Variants in ADCK1 observed in about 807,000 individuals in gnomAD.
The protein encoded by ADCK1 is aarF domain-containing protein kinase 1.
In ADCK1, 41 loss-of-function variants were observed where a neutral mutation model predicts 52.3. The ratio of observed to expected loss-of-function variants is 0.78; its 90% CI spans 0.61 to 1.02. The LOEUF is 1.02. ADCK1 is among the 50% of genes least tolerant of loss of function. The probability of loss-of-function intolerance (pLI) is 0.00; values close to 1 mark genes in which losing one functional copy is unlikely to be tolerated. For missense variants in ADCK1, 658 were observed against 679.5 expected (o/e 0.97, Z 0.35); for synonymous variants, 250 against 274.6 (o/e 0.91, Z 0.89).
intron 5 of ADCK1, among the ~76,000 whole-genome samples, chr14:77,893,168 AT>A (rs1424226320): frequency 2.6e-5 from 4 of 152,186 alleles, no homozygotes; most frequent in Non-Finnish European, 5.9e-5. Context: ...AGTGACTCTT[AT>A]TGATTTGAAT....
At chr14:77,859,779 C>T (rs766410114) in intron 4 of ADCK1, among the ~76,000 whole-genome samples, 49 of 152,266 alleles carry the variant, frequency 3.2e-4, no homozygotes, top group African/African-American at 1.1e-3. Context: ...GCAGATTACA[C>T]GGGATAATGA....
chr14:77,822,601 C>T (rs190623937), intron 3 of ADCK1, 83 bp downstream of exon 3: 215 of 1,202,014 alleles, frequency 1.8e-4, no homozygotes, highest in Non-Finnish European at 2.1e-4. Flanking sequence ...CCTCCCACCT[C>T]ACCCCCGCAA....
chr14:77,862,050 T>G (rs138638739), intron 4 of ADCK1, among the ~76,000 whole-genome samples: 1 of 152,220 alleles, frequency 6.6e-6, no homozygotes, highest in African/African-American at 2.4e-5. Context: ...CCTCATGTCC[T>G]CTAATTCCCA....
chr14:77,805,606 C>T (rs1244809335), intron 1 of ADCK1, among the ~76,000 whole-genome samples: 1 of 152,102 alleles, frequency 6.6e-6, no homozygotes, highest in Non-Finnish European at 1.5e-5. Flanking sequence ...TATTTGTCAA[C>T]CTCTGTTCTA....
At chr14:77,883,960 C>T (rs1469265788) in intron 4 of ADCK1, among the ~76,000 whole-genome samples, 1 of 152,182 alleles carries the variant, frequency 6.6e-6, no homozygotes, top group Non-Finnish European at 1.5e-5. Flanking sequence ...CAGGCTTCCT[C>T]TCGCCCTGGA....
Position 77,931,660 on chromosome 14 carries a change from G to T in ADCK1, c.1349G>T (p.Ser450Ile), listed in dbSNP as rs1429941764. Residue 450 changes from serine (S) to isoleucine (I), a missense_variant, in exon 10 of 11, where the codon AGC becomes ATC. Physicochemically the swap from Ser to Ile is moderately radical, Grantham distance 142 (BLOSUM62 -2). Coordinates refer to ENST00000238561, the MANE Select transcript of ADCK1 (RefSeq NM_020421.4). ...GIEAALGTRA[S>I]ASSFLNMSRC... Reference sequence around the variant, plus strand: ...GAGGCCGCCCTGGGCACCCGCGCCAGCGCCAGCTCCTTTCTCAACATGTCA... The same window carrying T: ...GAGGCCGCCCTGGGCACCCGCGCCATCGCCAGCTCCTTTCTCAACATGTCA... 2 of 1,609,792 alleles carry T rather than the reference G, an allele frequency of 1.2e-6. No homozygotes were observed. Among genetic ancestry groups the T allele is most frequent in the Non-Finnish European group, 8.5e-7 (1 of 1,180,016 alleles).
intron 6 of ADCK1, among the ~76,000 whole-genome samples, chr14:77,904,200 G>GT (rs752262676): frequency 6.6e-5 from 10 of 152,212 alleles, no homozygotes; most frequent in Non-Finnish European, 1.3e-4. Flanking sequence ...AGCAATCGAT[G>GT]TTTTTTCCAG....
intron 4 of ADCK1, among the ~76,000 whole-genome samples, chr14:77,869,325 G>T (rs2082727611): frequency 1.3e-5 from 2 of 152,126 alleles, no homozygotes; most frequent in Non-Finnish European, 2.9e-5. Flanking sequence ...GCTTCTGGGG[G>T]GTTTGCTGGC....
intron 5 of ADCK1, among the ~76,000 whole-genome samples, chr14:77,888,582 G>C (rs953761577): frequency 6.6e-6 from 1 of 152,114 alleles, no homozygotes; most frequent in Non-Finnish European, 1.5e-5. Context: ...ATGGGTCTGA[G>C]ACAGAAATAA....
chr14:77,831,653 C>T (rs562222038), intron 3 of ADCK1, among the ~76,000 whole-genome samples: 23 of 151,526 alleles, frequency 1.5e-4, no homozygotes, highest in South Asian at 1.3e-3. Context: ...GGTGTGATCT[C>T]GGCTCACTGC....
At chr14:77,931,328 C>G (rs748222369) in intron 9 of ADCK1, among the ~76,000 whole-genome samples, 190 bp from the exon 10 acceptor site, 12 of 152,210 alleles carry the variant, frequency 7.9e-5, no homozygotes, top group Non-Finnish European at 1.5e-4. Context: ...CCGGGTTTGT[C>G]AGGCTATACA....
intron 3 of ADCK1, among the ~76,000 whole-genome samples, chr14:77,842,964 A>G (rs947554210): frequency 2.1e-5 from 3 of 141,330 alleles, no homozygotes; most frequent in Non-Finnish European, 4.6e-5. Context: ...AACATGGCTC[A>G]CTGCATCCTC....
At chr14:77,856,289 A>G (rs1047854883) in intron 3 of ADCK1, among the ~76,000 whole-genome samples, 3 of 152,256 alleles carry the variant, frequency 2.0e-5, no homozygotes, top group Non-Finnish European at 2.9e-5. Flanking sequence ...GCCCAGAGAT[A>G]ACACTGTTAA....
At chr14:77,910,719 G>T (rs924929413) in intron 7 of ADCK1, among the ~76,000 whole-genome samples, 1 of 152,234 alleles carries the variant, frequency 6.6e-6, no homozygotes, top group African/African-American at 2.4e-5. Context: ...AACACAGAAA[G>T]GTGCGCTCTG....
chr14:77,870,923 G>T lies in ADCK1; in HGVS notation c.423+11644G>T, dbSNP rs377249001. On this transcript the variant is annotated intron_variant, in intron 4 of 10. Transcript: ENST00000238561. Reference sequence around the variant, plus strand: ...CTGTCAGTATGGGCAGGGTGGATGTGATTGCAGTGGCTTCTGATGCCTCTC... The same window carrying T: ...CTGTCAGTATGGGCAGGGTGGATGTTATTGCAGTGGCTTCTGATGCCTCTC... Among the ~76,000 whole-genome samples, 41 of 152,318 alleles carry T rather than the reference G, an allele frequency of 2.7e-4. 1 individual carries two copies. In the East Asian group the frequency reaches 4.8e-3, roughly 18 times the overall value.
intron 7 of ADCK1, 84 bp from the exon 8 acceptor site, chr14:77,924,373 G>A: frequency 1.9e-6 from 3 of 1,548,320 alleles, no homozygotes; most frequent in Admixed American, 1.8e-5. Context: ...CCCCTTAAAA[G>A]TGACCACATT....
chr14:77,833,813 A>G (rs17752882), intron 3 of ADCK1, among the ~76,000 whole-genome samples: 5,500 of 152,268 alleles, frequency 0.036, 143 homozygotes, highest in Non-Finnish European at 0.053. Context: ...TGTAGGTCCT[A>G]GGCAATCAGG....
intron 1 of ADCK1, among the ~76,000 whole-genome samples, chr14:77,817,521 CAA>C (rs537977713): frequency 1.0e-3 from 155 of 152,262 alleles, no homozygotes; most frequent in African/African-American, 3.4e-3. Context: ...GCACTGGCCG[CAA>C]AGAGTGACTG....
At chr14:77,817,288 A>G (rs2081476533) in intron 1 of ADCK1, among the ~76,000 whole-genome samples, 1 of 152,222 alleles carries the variant, frequency 6.6e-6, no homozygotes, top group Admixed American at 6.5e-5. Flanking sequence ...AATAGTTTCC[A>G]TACAAAGGGG....
Sources: allele counts gnomAD v4.1 joint callset (sites outside exome capture counted in the v4.1 genomes callset), GRCh38; gene constraint gnomAD v4.1.1; transcripts MANE v1.5; gene names NCBI Gene and HGNC (gene_info 2026-07-23, HGNC 2026-07-21).